The following FOXJ3 variants were observed in gnomAD, a reference collection of about 807,000 sequenced individuals.
FOXJ3 encodes the protein forkhead box J3, also known as forkhead box protein J3.
A neutral mutation model predicts 76.1 loss-of-function variants in FOXJ3; 22 were observed. The observed-to-expected ratio is 0.29, with a 90% CI of 0.21 to 0.41. The LOEUF is 0.41. FOXJ3 is among the 10% of genes least tolerant of loss of function. FOXJ3 has a pLI of 1.00. For synonymous variants in FOXJ3, 269 were observed against 261.2 expected (o/e 1.03, Z -0.29); for missense variants, 613 against 762.1 (o/e 0.80, Z 2.30).
intron 4 of FOXJ3, among the ~76,000 whole-genome samples, chr1:42,240,806 C>G (rs1649076383): frequency 6.6e-6 from 1 of 152,182 alleles, no homozygotes; most frequent in African/African-American, 2.4e-5. Context: ...GAAATCTTTT[C>G]TTAGCTATGA....
intron 1 of FOXJ3, among the ~76,000 whole-genome samples, chr1:42,333,910 T>C (rs1656307041): frequency 6.6e-6 from 1 of 152,102 alleles, no homozygotes; most frequent in Non-Finnish European, 1.5e-5. Flanking sequence ...GCTTTTTCAC[T>C]GGGAAACAAA....
intron 1 of FOXJ3, among the ~76,000 whole-genome samples, chr1:42,317,129 A>G (rs1475981992): frequency 6.6e-6 from 1 of 152,204 alleles, no homozygotes; most frequent in Non-Finnish European, 1.5e-5. Context: ...GAATTCAGCC[A>G]TATCTTTCCA....
At chr1:42,192,484 T>C (rs1646568707) in intron 8 of FOXJ3, among the ~76,000 whole-genome samples, 1 of 152,218 alleles carries the variant, frequency 6.6e-6, no homozygotes, top group South Asian at 2.1e-4. Flanking sequence ...CTAACACTTA[T>C]GATTTACTCT....
chr1:42,334,699 C>A (rs959972043), intron 1 of FOXJ3, among the ~76,000 whole-genome samples: 1 of 152,152 alleles, frequency 6.6e-6, no homozygotes, highest in Non-Finnish European at 1.5e-5. Flanking sequence ...AGGGACAGGT[C>A]ATGGAGGGAA....
Position 42,215,631 on chromosome 1 carries a change from T to C in FOXJ3, c.529-9768A>G, listed in dbSNP as rs533947132. Among the ~76,000 whole-genome samples the C allele has an allele frequency of 7.2e-5, 11 of 152,024 alleles. No individual in the cohort carries two copies. The South Asian group carries it at 2.3e-3, about 32-fold the overall frequency. ...TTAGCTCAGTAAACCCCAATAAAAA[T>C]AAATGGAAGGAAAAACCACACTTAG... On this transcript the variant is annotated intron_variant, in intron 5 of 12. Transcript: ENST00000361346.
chr1:42,186,789 T>C (rs1352774192), intron 11 of FOXJ3, among the ~76,000 whole-genome samples: 1 of 152,152 alleles, frequency 6.6e-6, no homozygotes, highest in African/African-American at 2.4e-5. Flanking sequence ...GGCACAAAAC[T>C]GAAATTCACC....
At chr1:42,261,095 T>A (rs1650995383) in intron 4 of FOXJ3, among the ~76,000 whole-genome samples, 1 of 152,312 alleles carries the variant, frequency 6.6e-6, no homozygotes, top group South Asian at 2.1e-4. Context: ...TTATATTTTT[T>A]AAACTATATT....
intron 1 of FOXJ3, chr1:42,315,384 C>T (rs1655045521): frequency 1.6e-5 from 16 of 981,800 alleles, no homozygotes; most frequent in Non-Finnish European, 1.8e-5. Context: ...TACTGTCTTG[C>T]TTCTTCATCT....
At chr1:42,330,897 A>G (rs1204777352) in intron 1 of FOXJ3, among the ~76,000 whole-genome samples, 26 of 152,198 alleles carry the variant, frequency 1.7e-4, no homozygotes, top group Non-Finnish European at 1.2e-4. Flanking sequence ...TTGAGATCAA[A>G]TTAGAGAATG....
chr1:42,182,055 A>AT (rs1408614790), intron 11 of FOXJ3, 31 bp from the exon 12 acceptor site: 5 of 1,219,838 alleles, frequency 4.1e-6, no homozygotes, highest in Non-Finnish European at 6.0e-6. Context: ...AAGAGGGAAA[A>AT]CATGTTACCA....
intron 11 of FOXJ3, 34 bp from the exon 12 acceptor site, chr1:42,182,058 T>C (rs1420493193): frequency 1.7e-5 from 21 of 1,220,136 alleles, no homozygotes; most frequent in African/African-American, 3.0e-5. Flanking sequence ...AGGGAAAACA[T>C]GTTACCACAA....
chr1:42,205,554 G>T (rs925917022), intron 6 of FOXJ3, among the ~76,000 whole-genome samples: 1 of 152,056 alleles, frequency 6.6e-6, no homozygotes, highest in Non-Finnish European at 1.5e-5. Context: ...TCTCGGTAAG[G>T]ACCTTCCAAT....
At chr1:42,311,003 T>G (rs1187695874) in intron 2 of FOXJ3, 47 bp downstream of exon 2, 2 of 1,220,144 alleles carry the variant, frequency 1.6e-6, no homozygotes, top group Admixed American at 2.3e-5. Flanking sequence ...AGTCTAACTT[T>G]TAAAATGTTA....
chr1:42,279,219 T>C (rs761545510), intron 2 of FOXJ3, among the ~76,000 whole-genome samples: 2 of 151,974 alleles, frequency 1.3e-5, no homozygotes, highest in South Asian at 2.1e-4. Flanking sequence ...AGGTAGGCGG[T>C]AGGAAGAGTA....
chr1:42,209,569 T>A (rs939535367), intron 5 of FOXJ3, among the ~76,000 whole-genome samples: 1 of 152,142 alleles, frequency 6.6e-6, no homozygotes, highest in East Asian at 1.9e-4. Context: ...GTCAGGCCAG[T>A]GGGAAATGCC....
At chr1:42,315,418 C>T in intron 1 of FOXJ3, 3 of 985,096 alleles carry the variant, frequency 3.0e-6, no homozygotes, top group South Asian at 9.4e-5. Flanking sequence ...TCTCAATCAG[C>T]TCAAAACTCA....
rs371297545 is a variant in FOXJ3 at position 42,218,286 on chromosome 1, A to C, written c.528+9597T>G. Among the ~76,000 whole-genome samples, 61 of 152,350 alleles carry C rather than the reference A, an allele frequency of 4.0e-4. No individual in the cohort carries two copies. In the East Asian group the frequency reaches 7.3e-3, roughly 18 times the overall value. On this transcript the variant is annotated intron_variant, in intron 5 of 12. Transcript: ENST00000361346. ...CAAATAACAGCATGACAACAATTTC[A>C]GATACATGTCCAGATGGAGAGTATC... is the stretch of plus-strand genomic sequence containing the variant.
chr1:42,214,162 T>G (rs528456644), intron 5 of FOXJ3, among the ~76,000 whole-genome samples: 1 of 152,162 alleles, frequency 6.6e-6, no homozygotes, highest in African/African-American at 2.4e-5. Flanking sequence ...TACAAAACAG[T>G]AAATTAAACA....
chr1:42,311,371 C>A (rs751243183), intron 1 of FOXJ3, among the ~76,000 whole-genome samples: 1 of 152,084 alleles, frequency 6.6e-6, no homozygotes, highest in Non-Finnish European at 1.5e-5. Context: ...AATAGATACA[C>A]TATAACTGTA....
Sources: allele counts gnomAD v4.1 joint callset (sites outside exome capture counted in the v4.1 genomes callset), GRCh38; gene constraint gnomAD v4.1.1; transcripts MANE v1.5; gene names NCBI Gene and HGNC (gene_info 2026-07-23, HGNC 2026-07-21).